Variants in TBC1D20 observed in about 807,000 individuals in gnomAD.
TBC1D20 encodes the protein TBC1 domain family member 20, also known as chromosome 20 open reading frame 140.
In TBC1D20, 12 loss-of-function variants were observed where a neutral mutation model predicts 41.6. That is an observed-to-expected ratio of 0.29 (90% CI 0.18 to 0.47). The LOEUF (loss-of-function observed/expected upper bound fraction) is 0.47, where lower values mean the gene tolerates loss of function less well. TBC1D20 is among the 20% of genes least tolerant of loss of function. The pLI, the probability that TBC1D20 is intolerant of heterozygous loss-of-function variation, is 1.00. For synonymous variants in TBC1D20, 205 were observed against 204.8 expected (o/e 1.00, Z -0.01); for missense variants, 421 against 517.4 (o/e 0.81, Z 1.81).
intron 1 of TBC1D20, among the ~76,000 whole-genome samples, chr20:460,118 G>A (rs770179772): frequency 1.6e-4 from 24 of 151,908 alleles, no homozygotes; most frequent in Non-Finnish European, 2.8e-4. Flanking sequence ...CTGATTATTT[G>A]GTTTAAGCCT....
chr20:438,591 G>C lies in TBC1D20; in HGVS notation c.1207C>G (p.Pro403Ala), dbSNP rs770571212. 2 of 1,613,654 alleles carry C rather than the reference G, an allele frequency of 1.2e-6. No individual in the cohort carries two copies. Among genetic ancestry groups the C allele is most frequent in the Admixed American group, 1.7e-5 (1 of 60,006 alleles). ...AGGAAGGTCTTCTCTGGCTTTCAGGGAAACAGCTGCAGCTGAAACTTAGGG... is the reference window on the plus strand; with the variant it reads ...AGGAAGGTCTTCTCTGGCTTTCAGGCAAACAGCTGCAGCTGAAACTTAGGG... ...WAPKFQLQLF[P>A] The change falls in exon 8 of 8, where the codon CCC becomes GCC. Residue 403 changes from proline (P) to alanine (A), a missense_variant. This residue lies in a region of TBC1D20 where 161 missense variants were observed against 182.7 expected (regional missense o/e 0.88). Coordinates refer to ENST00000354200, the MANE Select transcript of TBC1D20 (RefSeq NM_144628.4).
chr20:442,094 C>A, intron 3 of TBC1D20, 51 bp from the exon 4 acceptor site: 2 of 1,473,688 alleles, frequency 1.4e-6, no homozygotes, highest in Non-Finnish European at 9.1e-7. Context: ...GCCTAGTTAA[C>A]AAGGAGGTCG....
chr20:440,260 G>A lies in TBC1D20; in HGVS notation c.756C>T (p.Tyr252=), dbSNP rs752305729. ...FLACHPLMPI[Y]FAAVIVLYRE... Reference sequence around the variant, plus strand: ...GGCCTGTACCTACCACGGCTGCAAAGTAAATCGGCATCAGTGGGTGGCAGG... The same window carrying A: ...GGCCTGTACCTACCACGGCTGCAAAATAAATCGGCATCAGTGGGTGGCAGG... The change falls in exon 6 of 8, where the codon TAC becomes TAT. Residue 252 remains tyrosine (Y), a synonymous_variant. Transcript: ENST00000354200. The A allele has an allele frequency of 8.1e-6, 13 of 1,613,082 alleles. No homozygotes were observed. Among genetic ancestry groups the A allele is most frequent in the Non-Finnish European group, 9.3e-6 (11 of 1,179,610 alleles).
chr20:446,434 C>T lies in TBC1D20; in HGVS notation c.257-1304G>A, dbSNP rs575763672. On this transcript the variant is annotated intron_variant, in intron 2 of 7. Transcript: ENST00000354200. ...CGGCTCATTGCAACTTCCGCCTCCT[C>T]GGTTCAAGCGATTCTCCTGCCTCAG... Among the ~76,000 whole-genome samples the T allele has an allele frequency of 1.2e-4, 19 of 152,022 alleles. No homozygotes were observed. The East Asian group carries it at 1.7e-3, about 14-fold the overall frequency.
intron 1 of TBC1D20, 42 bp from the exon 2 acceptor site, chr20:448,116 C>A (rs754621216): frequency 1.3e-5 from 20 of 1,486,570 alleles, no homozygotes; most frequent in Non-Finnish European, 1.9e-5. Flanking sequence ...ACATTCAGCA[C>A]GTGCATATTT....
At chr20:448,253 G>A (rs2017375091) in intron 1 of TBC1D20, among the ~76,000 whole-genome samples, 179 bp from the exon 2 acceptor site, 2 of 152,120 alleles carry the variant, frequency 1.3e-5, no homozygotes, top group South Asian at 2.1e-4. Flanking sequence ...CCAGTCTACT[G>A]GACCTCATGG....
Position 441,893 on chromosome 20 carries a change from G to A in TBC1D20, c.488C>T (p.Thr163Ile), listed in dbSNP as rs2017237718. The A allele has an allele frequency of 1.9e-6, 3 of 1,614,116 alleles. No individual in the cohort carries two copies. Among genetic ancestry groups the A allele is most frequent in the East Asian group, 2.2e-5 (1 of 44,888 alleles). Reference sequence around the variant, plus strand: ...GGTAGATAATTTTTCTACCAGGGATGTTGCCAGCCTCTCGCCTACCACCAG... The same window carrying A: ...GGTAGATAATTTTTCTACCAGGGATATTGCCAGCCTCTCGCCTACCACCAG... Reference protein sequence around the residue: ...FLLVVGERLATSLVEKLSTHH... With the variant: ...FLLVVGERLAISLVEKLSTHH... Residue 163 changes from threonine to isoleucine, a missense_variant, in exon 4 of 8, where the codon ACA becomes ATA. Thr to Ile is a moderately conservative substitution (Grantham distance 89, BLOSUM62 -1). Transcript: ENST00000354200.
Position 435,806 on chromosome 20 carries a change from C to A in TBC1D20, c.*2780G>T. 6.5e-6 allele frequency: 1 copy of A among 153,762 alleles called. No homozygotes were observed. The highest frequency in any genetic ancestry group is 1.8e-4 in the South Asian group (1 of 5,410). 9.5% of individuals were successfully genotyped at this position (153,762 alleles called of 1,614,324 possible). ...TCTAAACCCAGCAAGGCCTGTCTGT[C>A]CAGATGCTTCTTGGCCTCTCTGTGC... On this transcript the variant is annotated 3_prime_UTR_variant, in exon 8 of 8. Coordinates refer to ENST00000354200, the MANE Select transcript of TBC1D20 (RefSeq NM_144628.4).
chr20:446,943 A>G (rs1309755953), intron 2 of TBC1D20, among the ~76,000 whole-genome samples: 1 of 75,890 alleles, frequency 1.3e-5, no homozygotes, highest in African/African-American at 6.0e-5. Context: ...CAAAATACGC[A>G]TTTTTTTTTT....
chr20:440,687 A>C, intron 5 of TBC1D20: 1 of 297,484 alleles, frequency 3.4e-6, no homozygotes. Flanking sequence ...CTACGCCATG[A>C]TTCTCCTTCT....
intron 1 of TBC1D20, among the ~76,000 whole-genome samples, chr20:451,488 T>C (rs2017441517): frequency 6.6e-6 from 1 of 152,058 alleles, no homozygotes; most frequent in Admixed American, 6.6e-5. Flanking sequence ...GTGGAGGTTA[T>C]AGTGAGCCGA....
chr20:452,872 G>A (rs2017469199), intron 1 of TBC1D20, among the ~76,000 whole-genome samples: 1 of 152,112 alleles, frequency 6.6e-6, no homozygotes, highest in East Asian at 1.9e-4. Context: ...AAACAAGGCT[G>A]GGCACGGTGG....
chr20:438,928 CT>C, intron 7 of TBC1D20, 87 bp from the exon 8 acceptor site: 1 of 1,535,206 alleles, frequency 6.5e-7, no homozygotes, highest in Non-Finnish European at 8.8e-7. Flanking sequence ...CGGGCAGAGC[CT>C]TTCATTGCTG....
intron 5 of TBC1D20, 41 bp from the exon 6 acceptor site, chr20:440,430 A>G: frequency 3.1e-6 from 5 of 1,610,984 alleles, no homozygotes; most frequent in Non-Finnish European, 4.2e-6. Context: ...CCTGTGGGCC[A>G]TCCCTTCCCT....
intron 1 of TBC1D20, among the ~76,000 whole-genome samples, chr20:454,678 T>TTTTAC (rs1160210356): frequency 3.6e-5 from 5 of 137,256 alleles, no homozygotes; most frequent in African/African-American, 5.3e-5. Flanking sequence ...TATTATTTTA[T>TTTTAC]TTTTATTTTT....
At position 439,158 on chromosome 20, in the gene TBC1D20, A is replaced by T. The variant is rs1242883778; in HGVS notation, c.906T>A (p.Phe302Leu). The change falls in exon 7 of 8, where the codon TTT (phenylalanine) becomes TTA (leucine). Residue 302 changes from phenylalanine (F) to leucine (L), a missense_variant. By Grantham distance (22) the Phe-to-Leu change is conservative. Transcript: ENST00000354200. The surrounding 1 kb of genome is among the most constrained non-coding windows in gnomAD (Gnocchi z 4.6). Reference protein sequence around the residue: ...ISRAGDLFVQFPPSELAREAA... With the variant: ...ISRAGDLFVQLPPSELAREAA... ...CCTCCCGAGCAAGTTCGGATGGGGG[A>T]AACTGAACAAAAAGGTCTCCTGCTC... 2 of 1,614,132 alleles carry T rather than the reference A, an allele frequency of 1.2e-6. No homozygotes were observed. The highest frequency in any genetic ancestry group is 4.5e-5 in the East Asian group (2 of 44,888).
Position 441,620 on chromosome 20 carries a change from C to T in TBC1D20, c.594G>A (p.Gln198=). Residue 198 remains glutamine (Q), a synonymous_variant, in exon 5 of 8, where the codon CAG becomes CAA. Coordinates refer to ENST00000354200, the MANE Select transcript of TBC1D20 (RefSeq NM_144628.4). ...ILNYLMPIID[Q]VNPELHDFMQ... ...TGAAGTCATGGAGCTCTGGATTCAC[C>T]TGGTCAATGATGGGCATCAGATAGT... 1 of 1,614,158 alleles carries T rather than the reference C, an allele frequency of 6.2e-7. No homozygotes were observed.
chr20:450,054 T>C (rs772256879), intron 1 of TBC1D20, among the ~76,000 whole-genome samples: 91 of 152,152 alleles, frequency 6.0e-4, no homozygotes, highest in Non-Finnish European at 5.1e-4. Flanking sequence ...GAAAAATGCA[T>C]GTCACCAAAA....
rs2017127556 is a variant in TBC1D20 at position 436,853 on chromosome 20, CT to C, written c.*1732del. 6.5e-6 allele frequency: 1 copy of C among 153,690 alleles called. No individual in the cohort carries two copies. Among genetic ancestry groups the C allele is most frequent in the Admixed American group, 6.5e-5 (1 of 15,270 alleles). 9.5% of individuals were successfully genotyped at this position (153,690 alleles called of 1,614,324 possible). A position where few individuals can be genotyped will look rare whatever the true frequency, so the allele number is the denominator to read the frequency against. On this transcript the variant is annotated 3_prime_UTR_variant, in exon 8 of 8. Transcript: ENST00000354200. ...GGTGGCTGGGCGTGGTGGCTCACAC[CT>C]GTAATCCCAGCACTTTGGGAGGACG... is the stretch of plus-strand genomic sequence containing the variant.
Sources: allele counts gnomAD v4.1 joint callset (sites outside exome capture counted in the v4.1 genomes callset), GRCh38; gene constraint gnomAD v4.1.1; regional missense constraint gnomAD v4.1.1; non-coding constraint Gnocchi (gnomAD v3.1); transcripts MANE v1.5; gene names NCBI Gene and HGNC (gene_info 2026-07-23, HGNC 2026-07-21).